The following ZNF536 variants were observed in gnomAD, a reference collection of about 807,000 sequenced individuals.
ZNF536 encodes the protein zinc finger protein 536.
Under a neutral mutation model 84.5 loss-of-function variants are expected in ZNF536, and 13 were observed. The ratio of observed to expected loss-of-function variants is 0.15; its 90% CI spans 0.10 to 0.24. The LOEUF (loss-of-function observed/expected upper bound fraction) is 0.24, where lower values mean the gene tolerates loss of function less well. ZNF536 is among the 10% of genes least tolerant of loss of function. The pLI, the probability that ZNF536 is intolerant of heterozygous loss-of-function variation, is 1.00. For missense variants in ZNF536, 1,536 were observed against 1,747.5 expected (o/e 0.88, Z 2.16); for synonymous variants, 811 against 742.5 (o/e 1.09, Z -1.50).
intron 1 of ZNF536, among the ~76,000 whole-genome samples, chr19:30,592,042 T>A (rs2047293060): frequency 6.6e-6 from 1 of 152,196 alleles, no homozygotes; most frequent in African/African-American, 2.4e-5. Context: ...AACAAAACCT[T>A]CTCTAGTGTG....
chr19:30,347,193 C>A (rs1199771118), intron 2 of ZNF536, among the ~76,000 whole-genome samples: 7 of 150,882 alleles, frequency 4.6e-5, no homozygotes, highest in African/African-American at 1.7e-4. Context: ...AGATGGGAAA[C>A]CAAATTCCTC....
At chr19:30,605,340 A>G (rs2146971237) in intron 1 of ZNF536, among the ~76,000 whole-genome samples, 1 of 146,548 alleles carries the variant, frequency 6.8e-6, no homozygotes, top group African/African-American at 2.5e-5. Flanking sequence ...CCCCCTCCAA[A>G]CCTCCCCCAC....
At chr19:30,428,676 G>A (rs1043605771) in intron 1 of ZNF536, among the ~76,000 whole-genome samples, 5 of 151,926 alleles carry the variant, frequency 3.3e-5, no homozygotes, top group African/African-American at 1.2e-4. Flanking sequence ...GGAGGTGGGG[G>A]TGGGGGAAGA....
rs145240183 is a variant in ZNF536, at chr19:30,588,172, C to G, written c.169+38658C>G. Among the ~76,000 whole-genome samples, 24 of 152,378 alleles carry G rather than the reference C, an allele frequency of 1.6e-4. No homozygotes were observed. In the East Asian group the frequency reaches 4.1e-3, roughly 26 times the overall value. ...TCACATTGTTAGGCGCTGATCTTTACTGGCTCATATGGTGGTCTGGGGTCA... is the reference window on the plus strand; with the variant it reads ...TCACATTGTTAGGCGCTGATCTTTAGTGGCTCATATGGTGGTCTGGGGTCA... On this transcript the variant is annotated intron_variant, in intron 1 of 1. Transcript: ENST00000592773.
intron 2 of ZNF536, among the ~76,000 whole-genome samples, chr19:30,312,538 A>AT (rs2046540292): frequency 6.6e-6 from 1 of 152,192 alleles, no homozygotes; most frequent in Admixed American, 6.5e-5. Context: ...TAAAGTGATT[A>AT]TTTTTCTTTT....
chr19:30,366,408 C>G (rs538946927), intron 3 of ZNF536, among the ~76,000 whole-genome samples: 1 of 142,160 alleles, frequency 7.0e-6, no homozygotes, highest in South Asian at 2.3e-4. Context: ...ATATCTATCT[C>G]CTTCCTTCCT....
intron 1 of ZNF536, among the ~76,000 whole-genome samples, chr19:30,270,582 T>C (rs2025773923): frequency 6.6e-6 from 1 of 152,228 alleles, no homozygotes; most frequent in African/African-American, 2.4e-5. Flanking sequence ...GTGCACCCAT[T>C]ATTCCCAAAG....
intron 1 of ZNF536, among the ~76,000 whole-genome samples, chr19:30,235,915 C>G (rs188282395): frequency 4.5e-4 from 68 of 152,362 alleles, no homozygotes; most frequent in Middle Eastern, 3.4e-3. Flanking sequence ...CTGCACCGAG[C>G]AGAGAGCGTC....
In ZNF536 at chr19:30,383,701, C is replaced by CTCTTTCTTTCTTTCTT. The variant is rs762457465; in HGVS notation, c.-3+11173_-3+11188dup. On this transcript the variant is annotated intron_variant, in intron 1 of 4. Coordinates refer to ENST00000355537, the MANE Select transcript of ZNF536 (RefSeq NM_014717.3). ...CTTTCTTCCTTCCTTTCTTTTCTTT[C>CTCTTTCTTTCTTTCTT]TCTTTCTTTCTTTCTTTCTTTCTTT... 7.3e-3 allele frequency among the ~76,000 whole-genome samples: 84 copies of CTCTTTCTTTCTTTCTT among 11,546 alleles called. 1 individual carries two copies. The highest frequency in any genetic ancestry group is 0.062 in the Middle Eastern group (1 of 16). The allele number at this position is 11,546 out of a possible 152,430, so 7.6% of individuals were successfully genotyped here.
chr19:30,383,370 G>C (rs1368916099), intron 1 of ZNF536, among the ~76,000 whole-genome samples: 1 of 152,182 alleles, frequency 6.6e-6, no homozygotes, highest in African/African-American at 2.4e-5. Context: ...CAGGAAGGTA[G>C]ATCTGTACCT....
intron 3 of ZNF536, among the ~76,000 whole-genome samples, chr19:30,543,772 A>G (rs1303874097): frequency 6.6e-6 from 1 of 152,092 alleles, no homozygotes; most frequent in Non-Finnish European, 1.5e-5. Context: ...CCAACGTTGT[A>G]AGTAGTTTGC....
chr19:30,698,949 A>G (rs1191486033), intron 1 of ZNF536, among the ~76,000 whole-genome samples: 1 of 152,230 alleles, frequency 6.6e-6, no homozygotes, highest in Non-Finnish European at 1.5e-5. Flanking sequence ...GCAATCATTT[A>G]TGCCAGTATG....
At chr19:30,470,337 G>T (rs1333158653) in intron 2 of ZNF536, among the ~76,000 whole-genome samples, 2 of 152,058 alleles carry the variant, frequency 1.3e-5, no homozygotes, top group Non-Finnish European at 2.9e-5. Context: ...TATCACTGTG[G>T]TACTAATATC....
At chr19:30,684,519 G>A (rs1380348530) in intron 1 of ZNF536, among the ~76,000 whole-genome samples, 9 of 152,186 alleles carry the variant, frequency 5.9e-5, no homozygotes, top group Non-Finnish European at 1.2e-4. Flanking sequence ...TTTTGGTAAG[G>A]AAGTTCACTT....
At chr19:30,341,667 C>T (rs2047569169) in intron 2 of ZNF536, among the ~76,000 whole-genome samples, 1 of 151,730 alleles carries the variant, frequency 6.6e-6, no homozygotes, top group Admixed American at 6.6e-5. Context: ...ATTTTTTTTT[C>T]AATGTCAAAG....
intron 1 of ZNF536, among the ~76,000 whole-genome samples, chr19:30,271,119 G>C (rs745947916): frequency 6.6e-6 from 1 of 152,028 alleles, no homozygotes; most frequent in Non-Finnish European, 1.5e-5. Flanking sequence ...GGAATTTTCT[G>C]GGATAGGAAC....
intron 1 of ZNF536, among the ~76,000 whole-genome samples, chr19:30,657,494 C>T (rs934190267): frequency 1.1e-4 from 17 of 152,292 alleles, no homozygotes; most frequent in South Asian, 6.2e-4. Context: ...GCCACTGCTC[C>T]GACAACGTCT....
intron 1 of ZNF536, among the ~76,000 whole-genome samples, chr19:30,649,505 G>A (rs897480454): frequency 1.8e-4 from 27 of 151,020 alleles, no homozygotes; most frequent in Admixed American, 9.9e-4. Context: ...TTCCCCTTTG[G>A]GCAAAATTAT....
At chr19:30,448,246 C>T (rs1275981520) in intron 2 of ZNF536, among the ~76,000 whole-genome samples, 2 of 152,218 alleles carry the variant, frequency 1.3e-5, no homozygotes, top group East Asian at 1.9e-4. Context: ...CAATATACAA[C>T]CCGAATCAGC....
Sources: gnomAD v4.1 joint callset for allele counts (sites outside exome capture counted in the v4.1 genomes callset) on GRCh38, gnomAD v4.1.1 for gene constraint, MANE v1.5 for transcripts, NCBI Gene and HGNC (gene_info 2026-07-23, HGNC 2026-07-21) for gene names.